ARHGAP10: variants seen among roughly 807,000 people sequenced by gnomAD.
ARHGAP10 encodes the protein Rho GTPase activating protein 10.
ARHGAP10 carries 87 observed loss-of-function variants against 108.6 expected under a neutral mutation model. The observed-to-expected ratio is 0.80, with a 90% CI of 0.67 to 0.96. The LOEUF is 0.96. Ranked by LOEUF, ARHGAP10 falls within the 40% of genes least tolerant of loss-of-function variation. The pLI, the probability that ARHGAP10 is intolerant of heterozygous loss-of-function variation, is 0.00. For missense variants in ARHGAP10, 939 were observed against 954.5 expected, an observed-to-expected ratio of 0.98 and a Z score of 0.21; for synonymous variants, 347 against 341.1, an observed-to-expected ratio of 1.02 and a Z score of -0.19.
intron 10 of ARHGAP10, among the ~76,000 whole-genome samples, chr4:147,900,189 A>G (rs1736182063): frequency 6.6e-6 from 1 of 152,242 alleles, no homozygotes; most frequent in African/African-American, 2.4e-5. Context: ...TAGAATACAG[A>G]TAATAGGCAG....
chr4:147,951,634 A>G (rs1225145525), intron 15 of ARHGAP10, among the ~76,000 whole-genome samples: 1 of 151,968 alleles, frequency 6.6e-6, no homozygotes, highest in Non-Finnish European at 1.5e-5. Context: ...TTAAAAAAAA[A>G]TAGAAACAGG....
At chr4:147,841,568 A>G (rs1208490827) in intron 3 of ARHGAP10, among the ~76,000 whole-genome samples, 2 of 152,208 alleles carry the variant, frequency 1.3e-5, no homozygotes, top group Non-Finnish European at 2.9e-5. Flanking sequence ...AACACTTACT[A>G]CTAACAAATA....
chr4:147,910,694 A>G (rs565775619), intron 12 of ARHGAP10, among the ~76,000 whole-genome samples: 15 of 152,138 alleles, frequency 9.9e-5, no homozygotes, highest in Admixed American at 2.6e-4. Context: ...TTTAACTTAC[A>G]TAAAAACGTG....
intron 20 of ARHGAP10, among the ~76,000 whole-genome samples, chr4:148,052,542 T>A (rs1450451693): frequency 3.3e-5 from 5 of 152,040 alleles, no homozygotes; most frequent in Non-Finnish European, 7.4e-5. Context: ...ACTTCCTGCA[T>A]CTTTCTTGGT....
intron 3 of ARHGAP10, among the ~76,000 whole-genome samples, chr4:147,833,475 T>G (rs1229068580): frequency 1.3e-5 from 2 of 152,180 alleles, no homozygotes; most frequent in African/African-American, 4.8e-5. Context: ...CTTTTGTTTA[T>G]AAATTACCCA....
intron 1 of ARHGAP10, among the ~76,000 whole-genome samples, chr4:147,769,578 A>G (rs1729988785): frequency 1.3e-5 from 2 of 152,178 alleles, no homozygotes; most frequent in Admixed American, 6.6e-5. Flanking sequence ...TACAGAGATG[A>G]TTAATACTTA....
Position 148,044,709 on chromosome 4 carries a change from G to A in ARHGAP10, c.1868-2183G>A, listed in dbSNP as rs1728797928. ...GGGGAAAGCTGGAGGCCAGCCCCTC[G>A]CGTCACTTGGGCTCTTTCACAGAAA... On this transcript the variant is annotated intron_variant, in intron 19 of 22. Coordinates refer to ENST00000336498, the MANE Select transcript of ARHGAP10 (RefSeq NM_024605.4). Among the ~76,000 whole-genome samples, 7 of 152,152 alleles carry A rather than the reference G, an allele frequency of 4.6e-5. No individual in the cohort carries two copies. The South Asian group carries it at 1.2e-3, about 27-fold the overall frequency.
intron 13 of ARHGAP10, among the ~76,000 whole-genome samples, chr4:147,926,926 G>T (rs1342355445): frequency 1.3e-5 from 2 of 152,036 alleles, no homozygotes; most frequent in African/African-American, 4.8e-5. Context: ...TTTTTCTTAG[G>T]TGTTATTTTC....
chr4:147,993,142 G>T (rs1740342384), intron 18 of ARHGAP10, among the ~76,000 whole-genome samples: 1 of 152,156 alleles, frequency 6.6e-6, no homozygotes, highest in Admixed American at 6.5e-5. Context: ...AGATAGTGAT[G>T]AATTCTTTTG....
At position 147,924,046 on chromosome 4, in the gene ARHGAP10, T is replaced by C. The variant is rs892172856; in HGVS notation, c.1228+10907T>C. ...TGGGTGGAAATAGAGGACAGTCTTC[T>C]GTGGGAGGGAGTTGAAGAGTCTTGT... On this transcript the variant is annotated intron_variant, in intron 13 of 22. Coordinates refer to ENST00000336498, the MANE Select transcript of ARHGAP10 (RefSeq NM_024605.4). Among the ~76,000 whole-genome samples the C allele has an allele frequency of 4.6e-5, 7 of 152,330 alleles. No individual in the cohort carries two copies. The South Asian group carries it at 1.4e-3, about 32-fold the overall frequency.
chr4:147,893,239 A>G (rs1038402247), intron 10 of ARHGAP10, among the ~76,000 whole-genome samples: 5 of 151,774 alleles, frequency 3.3e-5, no homozygotes, highest in African/African-American at 9.7e-5. Context: ...TTGTATTTTT[A>G]GTAGAGACGG....
chr4:147,814,121 A>AGG (rs1732138543), intron 1 of ARHGAP10, among the ~76,000 whole-genome samples: 1 of 152,046 alleles, frequency 6.6e-6, no homozygotes, highest in African/African-American at 2.4e-5. Context: ...TGGACTCCTT[A>AGG]GGGCAGCAGC....
chr4:148,044,888 A>C (rs747827995), intron 19 of ARHGAP10, among the ~76,000 whole-genome samples: 2 of 152,162 alleles, frequency 1.3e-5, no homozygotes, highest in Non-Finnish European at 2.9e-5. Context: ...TGGCCCTTCT[A>C]TTGGCGCTGA....
chr4:148,049,152 A>G (rs967425077), intron 20 of ARHGAP10, among the ~76,000 whole-genome samples: 13 of 152,148 alleles, frequency 8.5e-5, no homozygotes, highest in African/African-American at 3.1e-4. Flanking sequence ...TTGTATATAG[A>G]TGAGTGCCTC....
At chr4:147,749,670 T>G (rs753233838) in intron 1 of ARHGAP10, among the ~76,000 whole-genome samples, 61 of 152,212 alleles carry the variant, frequency 4.0e-4, no homozygotes, top group Non-Finnish European at 7.8e-4. Context: ...TGTATTATAG[T>G]CTCTGGAAAT....
intron 20 of ARHGAP10, among the ~76,000 whole-genome samples, chr4:148,049,991 C>T (rs1421558919): frequency 6.6e-6 from 1 of 151,974 alleles, no homozygotes; most frequent in African/African-American, 2.4e-5. Context: ...CCTCAACCTC[C>T]CCAGTAGCTG....
chr4:148,067,498 T>G (rs978180209), intron 22 of ARHGAP10, among the ~76,000 whole-genome samples: 1 of 152,182 alleles, frequency 6.6e-6, no homozygotes, highest in African/African-American at 2.4e-5. Flanking sequence ...GTGGCCACTC[T>G]AGACAGCTCA....
At chr4:147,971,256 TA>T (rs1250635746) in intron 18 of ARHGAP10, among the ~76,000 whole-genome samples, 2 of 152,176 alleles carry the variant, frequency 1.3e-5, no homozygotes, top group African/African-American at 4.8e-5. Context: ...GAGTTTTGCA[TA>T]AGTTCTGTTC....
intron 1 of ARHGAP10, among the ~76,000 whole-genome samples, chr4:147,820,752 A>C (rs1459988821): frequency 1.3e-5 from 2 of 151,736 alleles, no homozygotes; most frequent in Non-Finnish European, 2.9e-5. Flanking sequence ...CACCATGTCC[A>C]GCTAATTTTT....
Sources: allele counts gnomAD v4.1 joint callset (sites outside exome capture counted in the v4.1 genomes callset), GRCh38; gene constraint gnomAD v4.1.1; transcripts MANE v1.5; gene names NCBI Gene and HGNC (gene_info 2026-07-23, HGNC 2026-07-21).